The following PEPD variants were observed in gnomAD, a reference collection of about 807,000 sequenced individuals.
The protein encoded by PEPD is xaa-Pro dipeptidase.
A neutral mutation model predicts 60.7 loss-of-function variants in PEPD; 53 were observed. That is an observed-to-expected ratio of 0.87 (90% CI 0.70 to 1.10). The LOEUF (loss-of-function observed/expected upper bound fraction) is 1.10. Among genes scored for constraint, PEPD ranks in the 50% least tolerant of loss-of-function variants. The probability of loss-of-function intolerance (pLI) is 0.00; values close to 1 mark genes in which losing one functional copy is unlikely to be tolerated. For missense variants in PEPD, 711 were observed against 711.9 expected, an observed-to-expected ratio of 1.00 and a Z score of 0.01; for synonymous variants, 267 against 284.1, an observed-to-expected ratio of 0.94 and a Z score of 0.60.
rs1189078421 is a variant in PEPD, at chr19:33,506,105, C to T, written c.329+4923G>A. 2.1e-5 allele frequency among the ~76,000 whole-genome samples: 3 copies of T among 143,650 alleles called. No homozygotes were observed. In the East Asian group the frequency reaches 6.7e-4, roughly 32 times the overall value. The allele number at this position is 143,650 out of a possible 152,430, so 94.2% of individuals were successfully genotyped here. ...TACACACCCCTCAGACACCCACACA[C>T]ACCCTCATTACACCCTACACACACA... On this transcript the variant is annotated intron_variant, in intron 3 of 14. Coordinates refer to ENST00000244137, the MANE Select transcript of PEPD (RefSeq NM_000285.4).
At chr19:33,425,114 A>C (rs1969112948) in intron 9 of PEPD, among the ~76,000 whole-genome samples, 1 of 152,142 alleles carries the variant, frequency 6.6e-6, no homozygotes. Flanking sequence ...TCACACCTGT[A>C]ATCCCAGCAC....
intron 3 of PEPD, among the ~76,000 whole-genome samples, chr19:33,502,522 C>CT (rs1040919611): frequency 1.3e-5 from 2 of 152,010 alleles, no homozygotes; most frequent in Non-Finnish European, 2.9e-5. Flanking sequence ...CAAACCCCCC[C>CT]TTTTTTTTGA....
At chr19:33,495,369 G>C (rs921806785) in intron 4 of PEPD, among the ~76,000 whole-genome samples, 2 of 150,540 alleles carry the variant, frequency 1.3e-5, no homozygotes, top group Non-Finnish European at 3.0e-5. Flanking sequence ...GTGGTGGCAC[G>C]TGCCTGTAGT....
At chr19:33,491,611 G>A (rs999727617) in intron 5 of PEPD, among the ~76,000 whole-genome samples, 2 of 152,176 alleles carry the variant, frequency 1.3e-5, no homozygotes, top group African/African-American at 2.4e-5. Context: ...ATAACCTGGC[G>A]TGTCCACCCT....
At chr19:33,426,681 C>A (rs534233290) in intron 9 of PEPD, among the ~76,000 whole-genome samples, 3 of 152,264 alleles carry the variant, frequency 2.0e-5, no homozygotes, top group Admixed American at 1.3e-4. Flanking sequence ...GTGGTCACTG[C>A]GCAGCAGGTG....
At chr19:33,517,074 G>A (rs1169130680) in intron 1 of PEPD, among the ~76,000 whole-genome samples, 3 of 152,246 alleles carry the variant, frequency 2.0e-5, no homozygotes, top group East Asian at 3.9e-4. Context: ...CCAGCTACCC[G>A]GGAGGCTAAG....
chr19:33,516,487 C>G (rs1971024925), intron 1 of PEPD, among the ~76,000 whole-genome samples: 2 of 152,044 alleles, frequency 1.3e-5, no homozygotes, highest in South Asian at 4.1e-4. Flanking sequence ...AACCAAGACC[C>G]AGTAAGCAGC....
intron 9 of PEPD, among the ~76,000 whole-genome samples, chr19:33,455,318 TAA>T (rs1287631933): frequency 1.3e-5 from 2 of 152,102 alleles, no homozygotes; most frequent in South Asian, 4.2e-4. Context: ...TATCCTAAAA[TAA>T]AAAGTTTACT....
intron 12 of PEPD, among the ~76,000 whole-genome samples, chr19:33,393,215 G>A (rs539000921): frequency 1.2e-3 from 171 of 145,798 alleles, no homozygotes; most frequent in African/African-American, 4.0e-3. Flanking sequence ...GGGGTCTGGC[G>A]TCGGGGAGGC....
At chr19:33,415,723 G>A (rs1176683106) in intron 9 of PEPD, among the ~76,000 whole-genome samples, 2 of 152,324 alleles carry the variant, frequency 1.3e-5, no homozygotes, top group Non-Finnish European at 2.9e-5. Context: ...GGCTGACCCA[G>A]TTTTCACCTG....
chr19:33,409,599 T>C (rs1968717893), intron 11 of PEPD, among the ~76,000 whole-genome samples: 1 of 152,176 alleles, frequency 6.6e-6, no homozygotes, highest in Non-Finnish European at 1.5e-5. Context: ...CTCTTAAGCC[T>C]AGGAGTTTGA....
intron 1 of PEPD, 110 bp from the exon 2 acceptor site, chr19:33,512,886 A>G: frequency 8.2e-7 from 1 of 1,218,988 alleles, no homozygotes; most frequent in Non-Finnish European, 1.2e-6. Flanking sequence ...TGGGACCCCC[A>G]TCAGCACGGG....
At chr19:33,515,678 G>A (rs1971011294) in intron 1 of PEPD, among the ~76,000 whole-genome samples, 1 of 151,534 alleles carries the variant, frequency 6.6e-6, no homozygotes, top group South Asian at 2.1e-4. Context: ...ACCCTGCTAT[G>A]GACAGCCTCA....
intron 6 of PEPD, among the ~76,000 whole-genome samples, chr19:33,485,388 G>A (rs535587968): frequency 6.6e-5 from 10 of 151,904 alleles, no homozygotes; most frequent in Admixed American, 3.3e-4. Context: ...AGCTACCTGG[G>A]AGGCTGAGGC....
At chr19:33,408,220 G>T (rs1317325396) in intron 11 of PEPD, among the ~76,000 whole-genome samples, 1 of 152,246 alleles carries the variant, frequency 6.6e-6, no homozygotes, top group East Asian at 1.9e-4. Flanking sequence ...GACGGGAGCT[G>T]TCTGAGAATA....
At chr19:33,520,074 A>AG (rs1243815199) in intron 1 of PEPD, among the ~76,000 whole-genome samples, 1 of 152,006 alleles carries the variant, frequency 6.6e-6, no homozygotes, top group Admixed American at 6.5e-5. Flanking sequence ...CAAAAAAAAA[A>AG]AAAGAAAGAG....
rs570128204 is a variant in PEPD at position 33,444,424 on chromosome 19, G to A, written c.671+18571C>T. Among the ~76,000 whole-genome samples the A allele has an allele frequency of 1.2e-4, 19 of 152,082 alleles. No individual in the cohort carries two copies. The South Asian group carries it at 1.7e-3, about 13-fold the overall frequency. On this transcript the variant is annotated intron_variant, in intron 9 of 14. Transcript: ENST00000244137. ...AAAAGGCAGCGACTGATACAGCCCC[G>A]GCTGTGTCCCGGTAAGGGGCCAGGC...
At position 33,387,920 on chromosome 19, in the gene PEPD, C is replaced by T. The variant is rs920885961; in HGVS notation, c.1314G>A (p.Glu438=). ...DPARASFLNR[E]VLQRFRGFGG... ...CAAAACCGCGAAAGCGCTGCAGGACCTCGCGGTTAAGGAAGGAGGCGCGGG... is the reference window on the plus strand; with the variant it reads ...CAAAACCGCGAAAGCGCTGCAGGACTTCGCGGTTAAGGAAGGAGGCGCGGG... Residue 438 remains glutamate (E), a synonymous_variant, in exon 14 of 15, where the codon GAG becomes GAA. Transcript: ENST00000244137. 3 of 1,589,292 alleles carry T rather than the reference C, an allele frequency of 1.9e-6. No homozygotes were observed. Among genetic ancestry groups the T allele is most frequent in the South Asian group, 2.3e-5 (2 of 87,420 alleles).
intron 12 of PEPD, among the ~76,000 whole-genome samples, chr19:33,391,778 C>A (rs1284046761): frequency 6.6e-6 from 1 of 152,222 alleles, no homozygotes; most frequent in Non-Finnish European, 1.5e-5. Context: ...TACTCTGTAG[C>A]CCATGGTGTG....
Sources: allele counts gnomAD v4.1 joint callset (sites outside exome capture counted in the v4.1 genomes callset), GRCh38; gene constraint gnomAD v4.1.1; transcripts MANE v1.5; gene names NCBI Gene and HGNC (gene_info 2026-07-23, HGNC 2026-07-21).